The following CACNA1B variants were observed in gnomAD, a reference collection of about 807,000 sequenced individuals.
The protein encoded by CACNA1B is voltage-dependent N-type calcium channel subunit alpha-1B.
A neutral mutation model predicts 247.2 loss-of-function variants in CACNA1B; 70 were observed. The ratio of observed to expected loss-of-function variants is 0.28; its 90% confidence interval spans 0.23 to 0.35. CACNA1B has a LOEUF of 0.35. Ranked by LOEUF, CACNA1B falls within the 10% of genes least tolerant of loss-of-function variation. CACNA1B has a pLI of 1.00. For missense variants in CACNA1B, 2,367 were observed against 3,197.4 expected (o/e 0.74, Z 6.26); for synonymous variants, 1,231 against 1,294.4 (o/e 0.95, Z 1.05).
rs1179185366 is a variant in CACNA1B, at chr9:138,012,964, G to C, written c.2161-165G>C. ...GACAGCTCCTGTGGAACAGGTCGTG[G>C]GGGGCCACATTCACTCAGGGGTTGG... On this transcript the variant is annotated intron_variant, in intron 17 of 46. Coordinates refer to ENST00000371372, the MANE Select transcript of CACNA1B (RefSeq NM_000718.4). The surrounding 1 kb of genome is among the most constrained non-coding windows in gnomAD (Gnocchi z 4.2). 2.0e-5 allele frequency among the ~76,000 whole-genome samples: 3 copies of C among 152,074 alleles called. No individual in the cohort carries two copies. The highest frequency in any genetic ancestry group is 7.2e-5 in the African/African-American group (3 of 41,416).
intron 3 of CACNA1B, among the ~76,000 whole-genome samples, chr9:137,883,289 G>T (rs1350600341): frequency 6.6e-6 from 1 of 151,430 alleles, no homozygotes; most frequent in Non-Finnish European, 1.5e-5. Context: ...TCTGGGAGGG[G>T]CACTTGGCGG....
chr9:137,959,967 A>G (rs939814046), intron 10 of CACNA1B, among the ~76,000 whole-genome samples: 1 of 152,122 alleles, frequency 6.6e-6, no homozygotes, highest in Non-Finnish European at 1.5e-5. Flanking sequence ...GGGCGGTGCC[A>G]GAAGTTCATG....
chr9:137,943,291 C>G (rs1957754730), intron 6 of CACNA1B, among the ~76,000 whole-genome samples: 2 of 152,166 alleles, frequency 1.3e-5, no homozygotes, highest in Non-Finnish European at 2.9e-5. Context: ...CCTGACATAG[C>G]TTAGCTAACA....
At chr9:137,934,349 T>C (rs1218177474) in intron 6 of CACNA1B, among the ~76,000 whole-genome samples, 1 of 152,174 alleles carries the variant, frequency 6.6e-6, no homozygotes, top group Non-Finnish European at 1.5e-5. Context: ...TGGGTTGCAA[T>C]AGTTGAGCAG....
Position 138,088,959 on chromosome 9 carries a change from CAAAAAAAAAAAAAAAAAAAAAA to C in CACNA1B, c.5095-7511_5095-7490del, listed in dbSNP as rs56112600. ...GGACAACAAGAGCAAAACTCCGTCT[CAAAAAAAAAAAAAAAAAAAAAA>C]AAAAAAAAAAAAATCCCATCAAAGA... is the stretch of plus-strand genomic sequence containing the variant. On this transcript the variant is annotated intron_variant, in intron 36 of 46. Transcript: ENST00000371372. Among the ~76,000 whole-genome samples, 7 of 61,424 alleles carry C rather than the reference CAAAAAAAAAAAAAAAAAAAAAA, an allele frequency of 1.1e-4. 1 individual carries two copies. The East Asian group carries it at 3.2e-3, about 28-fold the overall frequency. The allele number at this position is 61,424 out of a possible 152,430, so 40.3% of individuals were successfully genotyped here. A position where few individuals can be genotyped will look rare whatever the true frequency, so the allele number is the denominator to read the frequency against.
At chr9:138,114,082 CA>C (rs1236091716) in intron 40 of CACNA1B, among the ~76,000 whole-genome samples, 1 of 152,134 alleles carries the variant, frequency 6.6e-6, no homozygotes, top group African/African-American at 2.4e-5. Flanking sequence ...GGAGGAGACA[CA>C]GGAAGGGCCC....
chr9:138,113,637 G>A (rs1309122097), intron 40 of CACNA1B, among the ~76,000 whole-genome samples: 27 of 135,056 alleles, frequency 2.0e-4, no homozygotes, highest in Admixed American at 8.6e-4. Flanking sequence ...GAGACGTGAG[G>A]GAGCGCAGGA....
At position 138,096,631 on chromosome 9, in the gene CACNA1B, C is replaced by T. The variant is rs1232848386; in HGVS notation, c.5222+20C>T. 1 of 1,607,648 alleles carries T rather than the reference C, an allele frequency of 6.2e-7. No homozygotes were observed. Among genetic ancestry groups the T allele is most frequent in the South Asian group, 1.1e-5 (1 of 90,186 alleles). On this transcript the variant is annotated intron_variant, in intron 37 of 46. Coordinates refer to ENST00000371372, the MANE Select transcript of CACNA1B (RefSeq NM_000718.4). The stretch of plus-strand genomic sequence containing the variant: ...TGCGTGGTAAGTGAGCCGTGGTGCT[C>T]TGTGGTCCTTGGGGGTGGTCCATGC...
At chr9:138,061,971 T>C (rs182806316) in intron 31 of CACNA1B, among the ~76,000 whole-genome samples, 1 of 152,350 alleles carries the variant, frequency 6.6e-6, no homozygotes, top group Admixed American at 6.5e-5. Flanking sequence ...GTGTGGACAC[T>C]GGGGCTGGTG....
At chr9:138,066,893 TAAG>T (rs1959939084) in intron 31 of CACNA1B, among the ~76,000 whole-genome samples, 1 of 151,986 alleles carries the variant, frequency 6.6e-6, no homozygotes, top group Non-Finnish European at 1.5e-5. Flanking sequence ...GAATAGAAAT[TAAG>T]AAAGTGGAAA....
At chr9:137,985,443 A>T (rs1002262058) in intron 13 of CACNA1B, among the ~76,000 whole-genome samples, 1 of 152,156 alleles carries the variant, frequency 6.6e-6, no homozygotes, top group East Asian at 1.9e-4. Flanking sequence ...TCTCCCAGGA[A>T]GTAGGTGACC....
chr9:137,946,193 A>G (rs1957794335), intron 6 of CACNA1B, among the ~76,000 whole-genome samples: 1 of 152,186 alleles, frequency 6.6e-6, no homozygotes, highest in African/African-American at 2.4e-5. Flanking sequence ...TTTTTATATA[A>G]TATAAAATCT....
chr9:137,939,812 A>T, intron 6 of CACNA1B, among the ~76,000 whole-genome samples: 1 of 114,870 alleles, frequency 8.7e-6, no homozygotes, highest in East Asian at 3.0e-4. Context: ...CAAAATAAAT[A>T]AATAAATAAA....
intron 38 of CACNA1B, among the ~76,000 whole-genome samples, chr9:138,103,398 G>A (rs562404872): frequency 6.6e-6 from 1 of 152,284 alleles, no homozygotes; most frequent in South Asian, 2.1e-4. Context: ...AGAAGGAAAG[G>A]GGTGCTGGGG....
chr9:138,053,772 C>A, intron 25 of CACNA1B, 74 bp from the exon 26 acceptor site: 11 of 1,045,548 alleles, frequency 1.1e-5, no homozygotes, highest in East Asian at 2.9e-5. Flanking sequence ...CGTGACCCTA[C>A]CCTTCCCCCT....
intron 12 of CACNA1B, among the ~76,000 whole-genome samples, chr9:137,976,279 T>G (rs1958220559): frequency 6.6e-6 from 1 of 152,234 alleles, no homozygotes; most frequent in African/African-American, 2.4e-5. Context: ...GTCCATAGAT[T>G]TTCATAATCA....
In CACNA1B at chr9:138,058,246, A is replaced by G; in HGVS notation, c.4304A>G (p.Asn1435Ser). ...ATGTCTGAATGCAGCCTGGAGAAGA[A>G]CGAGGTAGGTGGACGCTCTGTGGAG... is the stretch of plus-strand genomic sequence containing the variant. The part of the protein sequence containing the change: ...KVMSECSLEK[N>S]ERACIDFAIS... Residue 1435 changes from asparagine to serine, a missense_variant, in exon 28 of 47, where the codon AAC becomes AGC. Asn to Ser is a conservative substitution (Grantham distance 46). This residue lies in a region of CACNA1B where 436 missense variants were observed against 679.5 expected (regional missense o/e 0.64). Coordinates refer to ENST00000371372, the MANE Select transcript of CACNA1B (RefSeq NM_000718.4). This position sits in a 1 kb window ranked among gnomAD's most constrained non-coding sequence, Gnocchi z 4.7. 1 of 1,612,872 alleles carries G rather than the reference A, an allele frequency of 6.2e-7. No individual in the cohort carries two copies. The highest frequency in any genetic ancestry group is 8.5e-7 in the Non-Finnish European group (1 of 1,178,882).
intron 11 of CACNA1B, among the ~76,000 whole-genome samples, chr9:137,972,435 C>G (rs932644727): frequency 6.6e-6 from 1 of 151,948 alleles, no homozygotes; most frequent in Non-Finnish European, 1.5e-5. Context: ...CTTGAGGGCC[C>G]TGTTTGCCTG....
At chr9:137,975,637 C>T (rs1302135905) in intron 11 of CACNA1B, among the ~76,000 whole-genome samples, 4 of 152,232 alleles carry the variant, frequency 2.6e-5, no homozygotes, top group Non-Finnish European at 4.4e-5. Flanking sequence ...GGGCTGATCT[C>T]GGGAGCTTGC....
Sources: gnomAD v4.1 joint callset for allele counts (sites outside exome capture counted in the v4.1 genomes callset) on GRCh38, gnomAD v4.1.1 for gene constraint, gnomAD v4.1.1 regional missense constraint, Gnocchi (gnomAD v3.1) non-coding constraint, MANE v1.5 for transcripts, NCBI Gene and HGNC (gene_info 2026-07-23, HGNC 2026-07-21) for gene names.